HSP90AA1: variants seen among roughly 807,000 people sequenced by gnomAD.
HSP90AA1 encodes heat shock protein 90 alpha family class A member 1.
In HSP90AA1, 18 loss-of-function variants were observed where a neutral mutation model predicts 73.3. The observed-to-expected ratio is 0.25, with a 90% CI of 0.17 to 0.36. The LOEUF (loss-of-function observed/expected upper bound fraction) is 0.36. Among genes scored for constraint, HSP90AA1 ranks in the 10% least tolerant of loss-of-function variants. The pLI is 1.00. For synonymous variants in HSP90AA1, 477 were observed against 296.9 expected (o/e 1.61, Z -6.24); for missense variants, 704 against 874.2 (o/e 0.81, Z 2.45).
chr14:102,095,404 T>TC (rs1184329445), intron 2 of HSP90AA1, among the ~76,000 whole-genome samples: 2 of 152,210 alleles, frequency 1.3e-5, no homozygotes, highest in East Asian at 3.9e-4. Context: ...CTCCCTAGCC[T>TC]CCCTCCTGCG....
At chr14:102,085,617 C>T in intron 3 of HSP90AA1, 141 bp downstream of exon 3, 1 of 1,350,914 alleles carries the variant, frequency 7.4e-7, no homozygotes, top group Admixed American at 1.8e-5. Context: ...CATGCCATTA[C>T]ACTAATTAAG....
intron 8 of HSP90AA1, 52 bp from the exon 9 acceptor site, chr14:102,083,354 C>A: frequency 1.9e-6 from 3 of 1,595,808 alleles, no homozygotes; most frequent in South Asian, 1.1e-5. Flanking sequence ...AGAATGGTTT[C>A]ATCTAGCTCT....
rs746809598 is a variant in HSP90AA1, at chr14:102,086,262, C to A, written c.117G>T (p.Ser39=). 5 of 1,613,974 alleles carry A rather than the reference C, an allele frequency of 3.1e-6. No homozygotes were observed. In the Admixed American group the frequency reaches 6.7e-5, roughly 22 times the overall value. ...LMSLIINTFY[S]NKEIFLRELI... ...GCTCTCTCAGAAAGATCTCTTTGTT[C>A]GAGTAGAAAGTATTGATGATCAATG... The change falls in exon 2 of 11, where the codon TCG becomes TCT. Residue 39 remains serine (S), a synonymous_variant. Transcript: ENST00000216281.
At chr14:102,133,932 C>T (rs1566738337) in intron 1 of HSP90AA1, among the ~76,000 whole-genome samples, 1 of 152,066 alleles carries the variant, frequency 6.6e-6, no homozygotes, top group African/African-American at 2.4e-5. Flanking sequence ...GGGTTGATTG[C>T]TTGAGCCCAG....
intron 1 of HSP90AA1, among the ~76,000 whole-genome samples, chr14:102,132,402 C>T (rs1300261011): frequency 6.6e-6 from 1 of 152,020 alleles, no homozygotes; most frequent in Non-Finnish European, 1.5e-5. Context: ...TAAAACTTAG[C>T]TGGGCATGGT....
At chr14:102,088,073 C>A (rs116937205), upstream of HSP90AA1, among the ~76,000 whole-genome samples, 6,346 of 151,660 alleles carry the variant, frequency 0.042, 166 homozygotes, top group Middle Eastern at 0.065. Flanking sequence ...TCAGCTTTCC[C>A]AGTAGCTGGG....
At chr14:102,094,921 G>A (rs2049405150) in intron 2 of HSP90AA1, among the ~76,000 whole-genome samples, 1 of 152,140 alleles carries the variant, frequency 6.6e-6, no homozygotes, top group African/African-American at 2.4e-5. Context: ...GTGTAGCAGG[G>A]GCAAACTTGG....
At chr14:102,086,428 C>T (rs373561206) in intron 1 of HSP90AA1, 50 bp from the exon 2 acceptor site, 2 of 1,596,896 alleles carry the variant, frequency 1.3e-6, no homozygotes, top group Admixed American at 1.7e-5. Flanking sequence ...TCTACAGAGG[C>T]AACACGAAAT....
chr14:102,085,623 T>A, intron 3 of HSP90AA1, 135 bp downstream of exon 3: 1 of 1,383,610 alleles, frequency 7.2e-7, no homozygotes. Context: ...ATTACACTAA[T>A]TAAGTGCTCT....
At chr14:102,084,167 G>T in intron 6 of HSP90AA1, 184 bp from the exon 7 acceptor site, 1 of 689,566 alleles carries the variant, frequency 1.5e-6, no homozygotes, top group Non-Finnish European at 2.5e-6. Flanking sequence ...CCTCCCGGGG[G>T]GGTTCAAGCT....
rs138535817 is a variant in HSP90AA1 at position 102,102,962 on chromosome 14, T to G, written c.156-877A>C. Among the ~76,000 whole-genome samples the G allele has an allele frequency of 6.1e-3, 925 of 152,166 alleles. 10 individuals are homozygous for G. Among genetic ancestry groups the G allele is most frequent in the African/African-American group, 0.021 (883 of 41,506 alleles). ...GGGAGGCCGAGGTGGGCAGATGACC[T>G]GAGGTCAGGAGTTTGAGACTAGCCT... On this transcript the variant is annotated intron_variant, in intron 1 of 11. Transcript: ENST00000334701.
At chr14:102,082,718 T>C in intron 9 of HSP90AA1, 1 of 510,988 alleles carries the variant, frequency 2.0e-6, no homozygotes, top group Non-Finnish European at 3.5e-6. Context: ...CCTCCTGGGT[T>C]CAGGCGATTC....
upstream of HSP90AA1, among the ~76,000 whole-genome samples, chr14:102,088,103 C>T (rs535440938): frequency 1.7e-4 from 26 of 151,748 alleles, no homozygotes; most frequent in Non-Finnish European, 3.8e-4. Context: ...GGCAGAGGAC[C>T]ACAGGCGCGG....
chr14:102,093,021 G>A (rs2049378148), intron 2 of HSP90AA1, among the ~76,000 whole-genome samples: 2 of 151,754 alleles, frequency 1.3e-5, no homozygotes, highest in South Asian at 2.1e-4. Context: ...CTGGGGTTAC[G>A]GGCGTGAACC....
At chr14:102,106,488 G>C (rs2049569025) in intron 1 of HSP90AA1, among the ~76,000 whole-genome samples, 2 of 151,544 alleles carry the variant, frequency 1.3e-5, no homozygotes, top group Admixed American at 6.6e-5. Flanking sequence ...TGAAAAGAGG[G>C]AAGTAGTAAT....
chr14:102,125,489 AATG>A (rs1334378366), intron 1 of HSP90AA1, among the ~76,000 whole-genome samples: 1 of 152,224 alleles, frequency 6.6e-6, no homozygotes, highest in East Asian at 1.9e-4. Flanking sequence ...AGGGAAGCAG[AATG>A]AGCTGGGACT....
intron 1 of HSP90AA1, among the ~76,000 whole-genome samples, chr14:102,121,367 T>C (rs949809413): frequency 1.3e-5 from 2 of 152,228 alleles, no homozygotes; most frequent in African/African-American, 2.4e-5. Context: ...TTAAGAACAA[T>C]GCTTTGGTGA....
intron 1 of HSP90AA1, among the ~76,000 whole-genome samples, chr14:102,138,883 GTACAT>G (rs2050122181): frequency 6.6e-6 from 1 of 152,010 alleles, no homozygotes; most frequent in African/African-American, 2.4e-5. Flanking sequence ...TCTAGACCCT[GTACAT>G]TACATGCATA....
chr14:102,091,003 A>G (rs2152616391), upstream of HSP90AA1, among the ~76,000 whole-genome samples: 1 of 152,306 alleles, frequency 6.6e-6, no homozygotes, highest in South Asian at 2.1e-4. Flanking sequence ...CATCCAGTTC[A>G]GTATCTGTAG....
Sources: allele counts gnomAD v4.1 joint callset (sites outside exome capture counted in the v4.1 genomes callset), GRCh38; gene constraint gnomAD v4.1.1; transcripts MANE v1.5; gene names NCBI Gene and HGNC (gene_info 2026-07-23, HGNC 2026-07-21).